The following GALNT13 variants were observed in gnomAD, a reference collection of about 807,000 sequenced individuals.
The protein encoded by GALNT13 is UDP-GalNAc:polypeptide N-acetylgalactosaminyltransferase 13.
A neutral mutation model predicts 64.2 loss-of-function variants in GALNT13; 28 were observed. That is an observed-to-expected ratio of 0.44 (90% CI 0.32 to 0.60). GALNT13 has a LOEUF of 0.60. Ranked by LOEUF, GALNT13 falls within the 20% of genes least tolerant of loss-of-function variation. The probability of loss-of-function intolerance (pLI) is 0.05; values close to 1 mark genes in which losing one functional copy is unlikely to be tolerated. For synonymous variants in GALNT13, 214 were observed against 224.6 expected, an observed-to-expected ratio of 0.95 and a Z score of 0.42; for missense variants, 577 against 669.8, an observed-to-expected ratio of 0.86 and a Z score of 1.53.
chr2:154,143,103 G>C (rs1335878753), intron 4 of GALNT13, among the ~76,000 whole-genome samples: 4 of 152,248 alleles, frequency 2.6e-5, no homozygotes, highest in Admixed American at 6.5e-5. Context: ...TGGATTGGGG[G>C]TTGGGGGTGA....
the GALNT13 span, among the ~76,000 whole-genome samples, chr2:153,774,182 G>A: frequency 2.0e-5 from 3 of 151,806 alleles, no homozygotes; most frequent in Non-Finnish European, 2.9e-5. Flanking sequence ...AATTTTTATT[G>A]ATTAAAGTAA....
At chr2:153,609,033 C>T in the GALNT13 span, among the ~76,000 whole-genome samples, 1 of 151,494 alleles carries the variant, frequency 6.6e-6, no homozygotes, top group Admixed American at 6.6e-5. Context: ...GCTCCCCACT[C>T]AGCCTCCAGA....
the GALNT13 span, among the ~76,000 whole-genome samples, chr2:153,282,105 A>G: frequency 6.6e-6 from 1 of 152,066 alleles, no homozygotes; most frequent in Admixed American, 6.5e-5. Context: ...ATTCTTTGAA[A>G]AAAAATCTTA....
chr2:153,267,115 G>C, the GALNT13 span, among the ~76,000 whole-genome samples: 1 of 152,230 alleles, frequency 6.6e-6, no homozygotes. Flanking sequence ...TTCAAAATCT[G>C]CTTTGACTCT....
intron 2 of GALNT13, among the ~76,000 whole-genome samples, chr2:153,929,595 T>A (rs1309274396): frequency 6.6e-6 from 1 of 152,184 alleles, no homozygotes; most frequent in African/African-American, 2.4e-5. Flanking sequence ...GACAACATGC[T>A]GTATTTGGTT....
At chr2:153,950,424 AT>A (rs1692091153) in intron 3 of GALNT13, among the ~76,000 whole-genome samples, 1 of 152,064 alleles carries the variant, frequency 6.6e-6, no homozygotes, top group Non-Finnish European at 1.5e-5. Context: ...TATCACTTAT[AT>A]TTAGTCAGTT....
chr2:153,343,893 A>T, the GALNT13 span, among the ~76,000 whole-genome samples: 7 of 152,288 alleles, frequency 4.6e-5, no homozygotes, highest in Admixed American at 4.6e-4. Flanking sequence ...TAAACCTAGG[A>T]TTGTTAAAAG....
intron 3 of GALNT13, among the ~76,000 whole-genome samples, chr2:154,059,338 A>G (rs1395638770): frequency 6.6e-6 from 1 of 152,188 alleles, no homozygotes; most frequent in Admixed American, 6.5e-5. Flanking sequence ...AGCTATTTTA[A>G]TCTTCATTTC....
intron 10 of GALNT13, among the ~76,000 whole-genome samples, chr2:154,397,977 G>C (rs1699132630): frequency 6.6e-6 from 1 of 152,108 alleles, no homozygotes; most frequent in South Asian, 2.1e-4. Flanking sequence ...CCTCATGTTG[G>C]CACTGATCTC....
chr2:154,322,720 C>T (rs1006879830), intron 9 of GALNT13, among the ~76,000 whole-genome samples: 3 of 152,034 alleles, frequency 2.0e-5, no homozygotes, highest in African/African-American at 4.8e-5. Context: ...TACCCCAAAA[C>T]TTAGTGGCTT....
At chr2:153,301,911 G>GTT in the GALNT13 span, among the ~76,000 whole-genome samples, 1 of 147,404 alleles carries the variant, frequency 6.8e-6, no homozygotes, top group African/African-American at 2.5e-5. Context: ...GTGTGTGTGT[G>GTT]TATAGTATAT....
chr2:154,016,631 T>G (rs1697025155), intron 3 of GALNT13, among the ~76,000 whole-genome samples: 1 of 152,082 alleles, frequency 6.6e-6, no homozygotes, highest in Non-Finnish European at 1.5e-5. Flanking sequence ...TTGGCCAGGC[T>G]GGTCTTGAAC....
chr2:154,445,335 T>C (rs1701512662), intron 12 of GALNT13, among the ~76,000 whole-genome samples: 1 of 151,982 alleles, frequency 6.6e-6, no homozygotes, highest in African/African-American at 2.4e-5. Flanking sequence ...TTTGTTTTTG[T>C]TTTATGTCAT....
the GALNT13 span, among the ~76,000 whole-genome samples, chr2:153,117,034 C>T: frequency 3.3e-5 from 5 of 151,824 alleles, no homozygotes; most frequent in African/African-American, 1.2e-4. Context: ...CTCCTGACCT[C>T]GTGATCCACC....
At chr2:153,677,898 C>G in the GALNT13 span, among the ~76,000 whole-genome samples, 1 of 151,946 alleles carries the variant, frequency 6.6e-6, no homozygotes, top group Non-Finnish European at 1.5e-5. Flanking sequence ...GTATTAAAGC[C>G]TTAAACATAA....
chr2:154,098,619 G>C (rs1702193135), intron 3 of GALNT13, among the ~76,000 whole-genome samples: 1 of 151,872 alleles, frequency 6.6e-6, no homozygotes, highest in African/African-American at 2.4e-5. Context: ...TATTATTTCT[G>C]TCTTTATGTT....
chr2:154,250,924 C>T (rs1301180016), intron 7 of GALNT13, among the ~76,000 whole-genome samples: 2 of 152,064 alleles, frequency 1.3e-5, no homozygotes, highest in African/African-American at 4.8e-5. Context: ...AAAGAAATAA[C>T]TAACTTTGGA....
chr2:153,300,806 GTGCT>G, the GALNT13 span, among the ~76,000 whole-genome samples: 2 of 152,146 alleles, frequency 1.3e-5, no homozygotes. Flanking sequence ...AAGAGATATT[GTGCT>G]TGAATTAGTG....
intron 4 of GALNT13, among the ~76,000 whole-genome samples, chr2:154,172,565 A>T (rs1446903563): frequency 6.6e-6 from 1 of 152,000 alleles, no homozygotes; most frequent in African/African-American, 2.4e-5. Flanking sequence ...TTCTTGGCTT[A>T]TTTCATTTAA....
Sources: gnomAD v4.1 joint callset for allele counts (sites outside exome capture counted in the v4.1 genomes callset) on GRCh38, gnomAD v4.1.1 for gene constraint, MANE v1.5 for transcripts, NCBI Gene and HGNC (gene_info 2026-07-23, HGNC 2026-07-21) for gene names.